Variants in FBXL7 observed in about 807,000 individuals in gnomAD.
FBXL7 encodes the protein F-box and leucine rich repeat protein 7, also known as F-box/LRR-repeat protein 7.
FBXL7 carries 12 observed loss-of-function variants against 38.3 expected under a neutral mutation model. The observed-to-expected ratio is 0.31, with a 90% CI of 0.20 to 0.51. The LOEUF is 0.51. Ranked by LOEUF, FBXL7 falls within the 20% of genes least tolerant of loss-of-function variation. The pLI is 0.98. For missense variants in FBXL7, 567 were observed against 676.4 expected (o/e 0.84, Z 1.79); for synonymous variants, 297 against 300.9 (o/e 0.99, Z 0.13).
At chr5:15,851,889 C>T (rs1739107469) in intron 2 of FBXL7, among the ~76,000 whole-genome samples, 1 of 151,160 alleles carries the variant, frequency 6.6e-6, no homozygotes, top group Non-Finnish European at 1.5e-5. Context: ...TATATATTTC[C>T]TATATGTAGC....
At chr5:15,726,988 G>A (rs754067976) in intron 2 of FBXL7, among the ~76,000 whole-genome samples, 1 of 151,492 alleles carries the variant, frequency 6.6e-6, no homozygotes, top group African/African-American at 2.4e-5. Flanking sequence ...CTTTTGTTGT[G>A]TATTCAATAG....
At chr5:15,527,427 C>T (rs1482104269) in intron 1 of FBXL7, among the ~76,000 whole-genome samples, 3 of 152,000 alleles carry the variant, frequency 2.0e-5, no homozygotes, top group South Asian at 2.1e-4. Flanking sequence ...CAGAAATTAA[C>T]GTTTTCAATA....
At chr5:15,695,477 C>T (rs540812026) in intron 2 of FBXL7, among the ~76,000 whole-genome samples, 2 of 152,234 alleles carry the variant, frequency 1.3e-5, no homozygotes, top group African/African-American at 2.4e-5. Flanking sequence ...CAGTTCCCAT[C>T]GACAGTCCTT....
intron 2 of FBXL7, among the ~76,000 whole-genome samples, chr5:15,915,821 G>A (rs1438901045): frequency 1.3e-5 from 2 of 152,282 alleles, no homozygotes; most frequent in East Asian, 1.9e-4. Flanking sequence ...CTCAGTTAAC[G>A]AGTTGTTGAA....
chr5:15,785,189 A>G (rs1371351610), intron 2 of FBXL7, among the ~76,000 whole-genome samples: 1 of 152,216 alleles, frequency 6.6e-6, no homozygotes, highest in Non-Finnish European at 1.5e-5. Context: ...ACATGTATAC[A>G]TACATTGCGT....
chr5:15,532,157 G>A (rs994304110), intron 1 of FBXL7, among the ~76,000 whole-genome samples: 1 of 152,152 alleles, frequency 6.6e-6, no homozygotes, highest in African/African-American at 2.4e-5. Context: ...TTTACTGAAC[G>A]TCTGTCATTA....
At chr5:15,653,569 C>G (rs1741777534) in intron 2 of FBXL7, among the ~76,000 whole-genome samples, 1 of 152,130 alleles carries the variant, frequency 6.6e-6, no homozygotes, top group African/African-American at 2.4e-5. Flanking sequence ...AAGGTAGCTA[C>G]TAGTTACCAG....
chr5:15,607,152 T>C (rs1355524066), intron 1 of FBXL7: 1 of 152,158 alleles, frequency 6.6e-6, no homozygotes, highest in African/African-American at 2.4e-5. Flanking sequence ...TGAAAAAAAT[T>C]CACTTACCTT....
At chr5:15,734,114 CAAA>C (rs370211850) in intron 2 of FBXL7, among the ~76,000 whole-genome samples, 98,943 of 139,590 alleles carry the variant, frequency 0.71, 34,287 homozygotes, top group East Asian at 0.87. Context: ...GACTGGGTCT[CAAA>C]AAAAAAAAAA....
chr5:15,757,539 G>GA (rs80038304), intron 2 of FBXL7, among the ~76,000 whole-genome samples: 1,645 of 129,534 alleles, frequency 0.013, 14 homozygotes, highest in African/African-American at 0.034. Context: ...ATTTTCTCAG[G>GA]AAAAAAAAAA....
chr5:15,670,632 C>A (rs1742434821), intron 2 of FBXL7, among the ~76,000 whole-genome samples: 1 of 152,056 alleles, frequency 6.6e-6, no homozygotes, highest in African/African-American at 2.4e-5. Context: ...GAAACACTTT[C>A]TCTACTAAAA....
chr5:15,587,602 CTGTGAGTTA>C (rs1347041179), intron 1 of FBXL7, among the ~76,000 whole-genome samples: 1 of 152,052 alleles, frequency 6.6e-6, no homozygotes, highest in East Asian at 1.9e-4. Flanking sequence ...TTCAAGAGTC[CTGTGAGTTA>C]TGTATGAGTC....
Position 15,542,918 on chromosome 5 carries a change from C to T in FBXL7, c.37+42205C>T, listed in dbSNP as rs148626497. Among the ~76,000 whole-genome samples, 1,238 of 152,226 alleles carry T rather than the reference C, an allele frequency of 8.1e-3. 11 individuals are homozygous for T. Among genetic ancestry groups the T allele is most frequent in the South Asian group, 0.027 (129 of 4,826 alleles). ...AGTACAGAACAGCTGGTTTCCTGAA[C>T]TAAAAGCAGGTTGGGGAATCAGGCA... On this transcript the variant is annotated intron_variant, in intron 1 of 3. Coordinates refer to ENST00000504595, the MANE Select transcript of FBXL7 (RefSeq NM_012304.5).
At chr5:15,627,589 A>G (rs1297197772) in intron 2 of FBXL7, among the ~76,000 whole-genome samples, 4 of 152,176 alleles carry the variant, frequency 2.6e-5, no homozygotes, top group African/African-American at 7.2e-5. Flanking sequence ...TAGGGTTTCA[A>G]TGGAGCCCAT....
At chr5:15,522,204 C>T (rs2126375883) in intron 1 of FBXL7, among the ~76,000 whole-genome samples, 1 of 152,280 alleles carries the variant, frequency 6.6e-6, no homozygotes, top group Non-Finnish European at 1.5e-5. Context: ...TCTCCTGCCC[C>T]TCCCTTGCCC....
intron 2 of FBXL7, among the ~76,000 whole-genome samples, chr5:15,889,657 A>G (rs1234110564): frequency 6.6e-6 from 1 of 152,172 alleles, no homozygotes; most frequent in Non-Finnish European, 1.5e-5. Flanking sequence ...CAATTAAATC[A>G]TGGTCTCTAG....
In FBXL7 at chr5:15,536,723, A is replaced by T. The variant is rs555271044; in HGVS notation, c.37+36010A>T. Among the ~76,000 whole-genome samples the T allele has an allele frequency of 2.0e-5, 3 of 152,152 alleles. No homozygotes were observed. In the South Asian group the frequency reaches 6.2e-4, roughly 32 times the overall value. On this transcript the variant is annotated intron_variant, in intron 1 of 3. Coordinates refer to ENST00000504595, the MANE Select transcript of FBXL7 (RefSeq NM_012304.5). ...AGGGACTTGCCTTGGCTCAGATGAGACCTTGGTCTTGGACTTTTGGGTTAA... is the reference window on the plus strand; with the variant it reads ...AGGGACTTGCCTTGGCTCAGATGAGTCCTTGGTCTTGGACTTTTGGGTTAA...
At chr5:15,799,379 G>GA (rs1737500433) in intron 2 of FBXL7, among the ~76,000 whole-genome samples, 1 of 11,548 alleles carries the variant, frequency 8.7e-5, no homozygotes, top group Non-Finnish European at 2.0e-4. Context: ...TTTTTTTTTT[G>GA]AGACAGAGTT....
chr5:15,682,124 G>A (rs1487940927), intron 2 of FBXL7, among the ~76,000 whole-genome samples: 1 of 152,244 alleles, frequency 6.6e-6, no homozygotes. Context: ...GGGGACAGAA[G>A]AGAGGAGGGG....
Sources: allele counts gnomAD v4.1 joint callset (sites outside exome capture counted in the v4.1 genomes callset), GRCh38; gene constraint gnomAD v4.1.1; transcripts MANE v1.5; gene names NCBI Gene and HGNC (gene_info 2026-07-23, HGNC 2026-07-21).